The following OPCML variants were observed in gnomAD, a reference collection of about 807,000 sequenced individuals.
OPCML encodes opioid-binding protein/cell adhesion molecule.
A neutral mutation model predicts 37.8 loss-of-function variants in OPCML; 13 were observed. That is an observed-to-expected ratio of 0.34 (90% confidence interval 0.22 to 0.55). The LOEUF is 0.55. OPCML is among the 20% of genes least tolerant of loss of function. OPCML has a pLI of 0.91. For missense variants in OPCML, 341 were observed against 435.6 expected (o/e 0.78, Z 1.93); for synonymous variants, 176 against 168.8 (o/e 1.04, Z -0.33).
At chr11:133,307,553 T>C (rs1008700487) in intron 1 of OPCML, among the ~76,000 whole-genome samples, 1 of 152,204 alleles carries the variant, frequency 6.6e-6, no homozygotes, top group African/African-American at 2.4e-5. Context: ...CCCATGACCA[T>C]GATGAACACA....
At chr11:132,962,833 T>C (rs770537692) in intron 1 of OPCML, among the ~76,000 whole-genome samples, 1 of 152,216 alleles carries the variant, frequency 6.6e-6, no homozygotes, top group Non-Finnish European at 1.5e-5. Context: ...ATATTTACTT[T>C]ACACCAGGAG....
chr11:132,574,236 A>C (rs1395444551), intron 3 of OPCML, among the ~76,000 whole-genome samples: 1 of 130,674 alleles, frequency 7.7e-6, no homozygotes, highest in East Asian at 2.3e-4. Flanking sequence ...TTCTGCTCTA[A>C]TCTTTGTGTT....
At chr11:133,390,342 A>G (rs951660072) in intron 1 of OPCML, among the ~76,000 whole-genome samples, 6 of 152,168 alleles carry the variant, frequency 3.9e-5, no homozygotes, top group African/African-American at 1.4e-4. Context: ...GGGCGCCTGT[A>G]GTCCCAGCTA....
chr11:132,726,373 C>G (rs11223191), intron 2 of OPCML, among the ~76,000 whole-genome samples: 7,545 of 152,164 alleles, frequency 0.05, 268 homozygotes, highest in Non-Finnish European at 0.076. Flanking sequence ...TCTCATGAGA[C>G]TTTTATTCAC....
intron 2 of OPCML, among the ~76,000 whole-genome samples, chr11:132,867,278 A>G (rs1942604426): frequency 6.6e-6 from 1 of 152,200 alleles, no homozygotes; most frequent in South Asian, 2.1e-4. Context: ...GGGAGAACTC[A>G]ATTCATTAAA....
rs367943268 is a variant in OPCML, at chr11:132,908,983, G to A, written c.146+33943C>T. 5.9e-5 allele frequency among the ~76,000 whole-genome samples: 9 copies of A among 152,272 alleles called. No homozygotes were observed. In the East Asian group the frequency reaches 1.2e-3, roughly 20 times the overall value. ...GGTTCCTCAAGCCCTGGCAAACCCCGGAAGAGCGTCGCTCAGGGGTCGCTG... is the reference window on the plus strand; with the variant it reads ...GGTTCCTCAAGCCCTGGCAAACCCCAGAAGAGCGTCGCTCAGGGGTCGCTG... On this transcript the variant is annotated intron_variant, in intron 2 of 7. Coordinates refer to ENST00000524381, the MANE Select transcript of OPCML (RefSeq NM_001012393.5).
At chr11:133,424,432 A>C (rs1945958655) in intron 1 of OPCML, among the ~76,000 whole-genome samples, 1 of 152,222 alleles carries the variant, frequency 6.6e-6, no homozygotes, top group African/African-American at 2.4e-5. Context: ...ACCACTTATA[A>C]AATTTTGCAA....
At chr11:133,453,906 A>G (rs988190194) in intron 1 of OPCML, among the ~76,000 whole-genome samples, 1 of 152,220 alleles carries the variant, frequency 6.6e-6, no homozygotes, top group African/African-American at 2.4e-5. Flanking sequence ...TTATGATATT[A>G]ATGAGATATT....
At chr11:133,338,820 G>A (rs1454117617) in intron 1 of OPCML, among the ~76,000 whole-genome samples, 1 of 152,256 alleles carries the variant, frequency 6.6e-6, no homozygotes, top group Non-Finnish European at 1.5e-5. Flanking sequence ...CTGGCCAGCA[G>A]TGTGAGGAAT....
chr11:132,515,126 G>A (rs2096276932), intron 4 of OPCML, among the ~76,000 whole-genome samples: 1 of 152,142 alleles, frequency 6.6e-6, no homozygotes, highest in African/African-American at 2.4e-5. Context: ...GGGACTAGTG[G>A]CTCTGTTTAT....
intron 1 of OPCML, chr11:133,004,008 C>A: frequency 1.0e-6 from 1 of 985,394 alleles, no homozygotes; most frequent in Non-Finnish European, 1.2e-6. Context: ...AAGTGGCACA[C>A]GTCTCTCACC....
In OPCML at chr11:133,532,091, G is replaced by A. The variant is rs574543412; in HGVS notation, c.61+173C>T. The A allele has an allele frequency of 2.0e-5, 13 of 637,120 alleles. No individual in the cohort carries two copies. In the East Asian group the frequency reaches 7.0e-4, roughly 34 times the overall value. The allele number at this position is 637,120 out of a possible 1,614,324, so 39.5% of individuals were successfully genotyped here. Reference sequence around the variant, plus strand: ...TGAAAGCATCTGCGCGCGTGTGAGCGAGTGAGTGTGTGTGTGCGTGCACAC... The same window carrying A: ...TGAAAGCATCTGCGCGCGTGTGAGCAAGTGAGTGTGTGTGTGCGTGCACAC... On this transcript the variant is annotated intron_variant, in intron 1 of 7. Coordinates refer to ENST00000524381, the MANE Select transcript of OPCML (RefSeq NM_001012393.5).
At chr11:132,658,335 T>C (rs1302237861) in intron 2 of OPCML, among the ~76,000 whole-genome samples, 1 of 152,224 alleles carries the variant, frequency 6.6e-6, no homozygotes. Context: ...GGAATAGGCA[T>C]GGCCTTCCCT....
At chr11:132,421,603 C>T (rs1037018260) in intron 7 of OPCML, among the ~76,000 whole-genome samples, 2 of 152,178 alleles carry the variant, frequency 1.3e-5, no homozygotes, top group Non-Finnish European at 2.9e-5. Context: ...AACATGAATA[C>T]CTTTTCTTTC....
chr11:133,156,470 C>G (rs183345068), intron 1 of OPCML, among the ~76,000 whole-genome samples: 127 of 152,320 alleles, frequency 8.3e-4, no homozygotes, highest in African/African-American at 2.9e-3. Context: ...GCCAAGAGAC[C>G]AGCCAGCTGA....
intron 1 of OPCML, among the ~76,000 whole-genome samples, chr11:133,055,764 C>T (rs550779968): frequency 4.6e-5 from 7 of 150,930 alleles, no homozygotes; most frequent in African/African-American, 1.7e-4. Context: ...AGTAGTGAGA[C>T]TCCATGAGGG....
At chr11:132,606,058 A>G (rs1453612433) in intron 3 of OPCML, among the ~76,000 whole-genome samples, 1 of 152,122 alleles carries the variant, frequency 6.6e-6, no homozygotes, top group Non-Finnish European at 1.5e-5. Context: ...CTTCCTTCCA[A>G]GTGTCCTCAA....
At chr11:132,490,222 C>T (rs1259869320) in intron 4 of OPCML, among the ~76,000 whole-genome samples, 3 of 151,778 alleles carry the variant, frequency 2.0e-5, no homozygotes, top group Non-Finnish European at 4.4e-5. Context: ...GCTTGCTATA[C>T]TGTAATCTCT....
In OPCML at chr11:132,678,115, C is replaced by T. The variant is rs1447007643; in HGVS notation, c.147-20796G>A. ...TTAATAGACACCTCACCAAAGAAGA[C>T]ATACAGATGGCAAGTAAGCATCTGA... is the stretch of plus-strand genomic sequence containing the variant. On this transcript the variant is annotated intron_variant, in intron 2 of 7. Coordinates refer to ENST00000524381, the MANE Select transcript of OPCML (RefSeq NM_001012393.5). 4.6e-5 allele frequency among the ~76,000 whole-genome samples: 7 copies of T among 152,288 alleles called. No homozygotes were observed. In the East Asian group the frequency reaches 1.3e-3, roughly 29 times the overall value.
Sources: gnomAD v4.1 joint callset for allele counts (sites outside exome capture counted in the v4.1 genomes callset) on GRCh38, gnomAD v4.1.1 for gene constraint, MANE v1.5 for transcripts, NCBI Gene and HGNC (gene_info 2026-07-23, HGNC 2026-07-21) for gene names.